ETV1: variants seen among roughly 807,000 people sequenced by gnomAD.
ETV1 encodes ETS variant transcription factor 1.
In ETV1, 27 loss-of-function variants were observed where a neutral mutation model predicts 62.3. That is an observed-to-expected ratio of 0.43 (90% confidence interval 0.32 to 0.60). The LOEUF is 0.60. ETV1 is among the 20% of genes least tolerant of loss of function. ETV1 has a pLI of 0.06. For missense variants in ETV1, 605 were observed against 605.8 expected (o/e 1.00, Z 0.01); for synonymous variants, 222 against 199.6 (o/e 1.11, Z -0.94).
intron 6 of ETV1, among the ~76,000 whole-genome samples, chr7:13,945,138 C>T (rs2128465904): frequency 6.6e-6 from 1 of 152,312 alleles, no homozygotes; most frequent in East Asian, 1.9e-4. Flanking sequence ...TAATACACCA[C>T]TCCCAGAAAT....
chr7:13,893,369 A>G lies in ETV1; in HGVS notation c.*2497T>C, dbSNP rs1554286851. 1 of 231,270 alleles carries G rather than the reference A, an allele frequency of 4.3e-6. No homozygotes were observed. Among genetic ancestry groups the G allele is most frequent in the Non-Finnish European group, 8.5e-6 (1 of 116,960 alleles). 14.3% of individuals were successfully genotyped at this position (231,270 alleles called of 1,614,324 possible). A position where few individuals can be genotyped will look rare whatever the true frequency, so the allele number is the denominator to read the frequency against. On this transcript the variant is annotated 3_prime_UTR_variant, in exon 14 of 14. Coordinates refer to ENST00000430479, the MANE Select transcript of ETV1 (RefSeq NM_004956.5). Reference sequence around the variant, plus strand: ...CAAAACAGAACTTAAAAAATTTTAGATACATTTTTCAAAAGAGTTTATAAT... The same window carrying G: ...CAAAACAGAACTTAAAAAATTTTAGGTACATTTTTCAAAAGAGTTTATAAT...
chr7:13,988,956 A>G (rs1350454580), intron 3 of ETV1, 52 bp downstream of exon 3: 2 of 1,312,984 alleles, frequency 1.5e-6, no homozygotes, highest in South Asian at 2.8e-5. Flanking sequence ...CCCTCTCCCC[A>G]CCCCCGACGG....
intron 9 of ETV1, among the ~76,000 whole-genome samples, chr7:13,927,451 C>A (rs1785560241): frequency 6.6e-6 from 1 of 152,246 alleles, no homozygotes; most frequent in East Asian, 1.9e-4. Context: ...AACTACATCT[C>A]AAAATACAAA....
rs1294579936 is a variant in ETV1, at chr7:13,986,356, AG to A, written c.181+281del. On this transcript the variant is annotated intron_variant, in intron 5 of 13. Coordinates refer to ENST00000430479, the MANE Select transcript of ETV1 (RefSeq NM_004956.5). ...TCAATTGCAATTAAAATCTGAACAG[AG>A]GCTTAGAACTTGAAGTCTTGGTGCA... is the stretch of plus-strand genomic sequence containing the variant. The A allele has an allele frequency of 4.7e-6, 7 of 1,489,694 alleles. No homozygotes were observed. The East Asian group carries it at 1.7e-4, about 37-fold the overall frequency. 92.3% of individuals were successfully genotyped at this position (1,489,694 alleles called of 1,614,324 possible).
chr7:13,920,306 A>G (rs1247618651), intron 9 of ETV1, among the ~76,000 whole-genome samples: 1 of 152,184 alleles, frequency 6.6e-6, no homozygotes, highest in African/African-American at 2.4e-5. Flanking sequence ...GCAAGGCCAT[A>G]AATAGTGTCA....
At chr7:13,953,034 C>A (rs1220130683) in intron 6 of ETV1, among the ~76,000 whole-genome samples, 2 of 152,180 alleles carry the variant, frequency 1.3e-5, no homozygotes, top group African/African-American at 2.4e-5. Context: ...CAATCCAAAT[C>A]TAATCAGTTT....
In ETV1 at chr7:13,931,398, T is replaced by A. The variant is rs765950127; in HGVS notation, c.802+104A>T. On this transcript the variant is annotated intron_variant, in intron 9 of 13. Coordinates refer to ENST00000430479, the MANE Select transcript of ETV1 (RefSeq NM_004956.5). ...ACGGACAAAATCTGAAAGATCTTAT[T>A]AAAAAATGGTCAGGAGCTACCTAGT... 9.3e-4 allele frequency: 1,159 copies of A among 1,244,652 alleles called. 1 individual carries two copies. The highest frequency in any genetic ancestry group is 1.2e-3 in the Non-Finnish European group (1,080 of 886,372). 77.1% of individuals were successfully genotyped at this position (1,244,652 alleles called of 1,614,324 possible).
In ETV1 at chr7:13,988,620, GA is replaced by G. The variant is rs11460974; in HGVS notation, c.45+387del. The G allele has an allele frequency of 1.9e-4, 212 of 1,095,234 alleles. 1 individual carries two copies. The highest frequency in any genetic ancestry group is 8.7e-4 in the South Asian group (36 of 41,552). 67.8% of individuals were successfully genotyped at this position (1,095,234 alleles called of 1,614,324 possible). A position where few individuals can be genotyped will look rare whatever the true frequency, so the allele number is the denominator to read the frequency against. ...GAAAAAAAAAAAAAAGAGAAAATGA[GA>G]AAAAAAAAAGAAACAAAAACACCCC... On this transcript the variant is annotated intron_variant, in intron 3 of 13. Transcript: ENST00000430479.
At chr7:13,939,492 T>C (rs937425448) in intron 6 of ETV1, among the ~76,000 whole-genome samples, 19 of 152,224 alleles carry the variant, frequency 1.2e-4, no homozygotes, top group Non-Finnish European at 2.4e-4. Context: ...AGTGAATCAC[T>C]TGTAATTTGC....
At chr7:13,979,385 G>C (rs1039019468) in intron 5 of ETV1, among the ~76,000 whole-genome samples, 10 of 151,964 alleles carry the variant, frequency 6.6e-5, no homozygotes, top group African/African-American at 2.4e-4. Flanking sequence ...GTCTACTAGA[G>C]AGGCAACGAA....
At position 13,989,152 on chromosome 7, in the gene ETV1, A is replaced by G; in HGVS notation, c.-87-13T>C. 1 of 1,021,010 alleles carries G rather than the reference A, an allele frequency of 9.8e-7. No homozygotes were observed. The highest frequency in any genetic ancestry group is 1.4e-6 in the Non-Finnish European group (1 of 696,322). The allele number at this position is 1,021,010 out of a possible 1,614,324, so 63.2% of individuals were successfully genotyped here. A position where few individuals can be genotyped will look rare whatever the true frequency, so the allele number is the denominator to read the frequency against. On this transcript the variant is annotated splice_polypyrimidine_tract_variant and intron_variant, in intron 2 of 13. Transcript: ENST00000430479. ...GACTTCTATCAACCTAGAGGGGAACAAGATGGCTTTTAGGCTTAAAAAAAA... is the reference window on the plus strand; with the variant it reads ...GACTTCTATCAACCTAGAGGGGAACGAGATGGCTTTTAGGCTTAAAAAAAA...
At chr7:13,980,815 T>C (rs1412200564) in intron 5 of ETV1, among the ~76,000 whole-genome samples, 3 of 152,132 alleles carry the variant, frequency 2.0e-5, no homozygotes, top group Non-Finnish European at 4.4e-5. Context: ...TACGTATCAA[T>C]GCATATTATC....
chr7:13,987,174 C>T (rs1274386996), intron 4 of ETV1: 2 of 152,454 alleles, frequency 1.3e-5, no homozygotes, highest in African/African-American at 4.8e-5. Flanking sequence ...TTCAATACCT[C>T]GAAACTAAAA....
chr7:13,941,983 A>AAATGACAC (rs1787579975), intron 6 of ETV1, among the ~76,000 whole-genome samples: 2 of 151,770 alleles, frequency 1.3e-5, no homozygotes, highest in Admixed American at 1.3e-4. Context: ...AAGAAATACT[A>AAATGACAC]AATGACACAG....
At chr7:13,967,017 CAATA>C (rs1011672803) in intron 6 of ETV1, among the ~76,000 whole-genome samples, 6 of 151,584 alleles carry the variant, frequency 4.0e-5, no homozygotes, top group Admixed American at 6.6e-5. Context: ...CATATGTACC[CAATA>C]AATAAATTAA....
At chr7:13,896,693 A>AGAGAGAGAGAGAAAGAAAG (rs1554288366) in intron 13 of ETV1, among the ~76,000 whole-genome samples, 1 of 139,384 alleles carries the variant, frequency 7.2e-6, no homozygotes, top group East Asian at 2.1e-4. Flanking sequence ...GAAAGAAAAG[A>AGAGAGAGAGAGAAAGAAAG]GAGAGAGAAA....
At chr7:13,910,778 G>A (rs1396733914) in intron 10 of ETV1, among the ~76,000 whole-genome samples, 3 of 152,258 alleles carry the variant, frequency 2.0e-5, no homozygotes, top group African/African-American at 7.2e-5. Flanking sequence ...CTTTCTCTAG[G>A]CCTCCTATGT....
chr7:13,975,310 G>T (rs1562706074), intron 6 of ETV1, among the ~76,000 whole-genome samples: 1 of 152,022 alleles, frequency 6.6e-6, no homozygotes, highest in Admixed American at 6.5e-5. Flanking sequence ...ACTTTGGGAG[G>T]CCAAGGCGGG....
intron 8 of ETV1, among the ~76,000 whole-genome samples, chr7:13,934,475 C>G (rs1047082711): frequency 6.6e-6 from 1 of 152,214 alleles, no homozygotes; most frequent in African/African-American, 2.4e-5. Flanking sequence ...CTCTGCTGAT[C>G]TAGAAGATTC....
Sources: allele counts gnomAD v4.1 joint callset (sites outside exome capture counted in the v4.1 genomes callset), GRCh38; gene constraint gnomAD v4.1.1; transcripts MANE v1.5; gene names NCBI Gene and HGNC (gene_info 2026-07-23, HGNC 2026-07-21).